The following DDR2 variants were observed in gnomAD, a reference collection of about 807,000 sequenced individuals.
DDR2 encodes the protein discoidin domain receptor tyrosine kinase 2.
Under a neutral mutation model 94.9 loss-of-function variants are expected in DDR2, and 27 were observed. That is an observed-to-expected ratio of 0.28 (90% CI 0.21 to 0.39). DDR2 has a LOEUF of 0.39. Among genes scored for constraint, DDR2 ranks in the 10% least tolerant of loss-of-function variants. The pLI is 1.00. For missense variants in DDR2, 783 were observed against 1,076.0 expected (o/e 0.73, Z 3.81); for synonymous variants, 382 against 377.2 (o/e 1.01, Z -0.15).
At chr1:162,691,468 G>T (rs1659957871) in intron 2 of DDR2, among the ~76,000 whole-genome samples, 1 of 152,162 alleles carries the variant, frequency 6.6e-6, no homozygotes, top group African/African-American at 2.4e-5. Flanking sequence ...ATTGTTCAAA[G>T]AATTTATTTA....
intron 2 of DDR2, among the ~76,000 whole-genome samples, chr1:162,714,339 G>A (rs1469902516): frequency 6.6e-6 from 1 of 151,944 alleles, no homozygotes; most frequent in African/African-American, 2.4e-5. Flanking sequence ...CATTTGTGCA[G>A]GCCTTCCTTA....
At chr1:162,676,882 G>T (rs189339526) in intron 2 of DDR2, among the ~76,000 whole-genome samples, 1 of 152,188 alleles carries the variant, frequency 6.6e-6, no homozygotes, top group Non-Finnish European at 1.5e-5. Flanking sequence ...GAACAAGCAC[G>T]CCCTGCAGAC....
chr1:162,721,453 A>G (rs1285907521), intron 3 of DDR2, among the ~76,000 whole-genome samples: 1 of 152,154 alleles, frequency 6.6e-6, no homozygotes, highest in Non-Finnish European at 1.5e-5. Flanking sequence ...ATTTCTTTCT[A>G]TTTTACCAAG....
At chr1:162,721,113 G>A (rs1374544545) in intron 3 of DDR2, among the ~76,000 whole-genome samples, 4 of 152,024 alleles carry the variant, frequency 2.6e-5, no homozygotes, top group Non-Finnish European at 4.4e-5. Context: ...CATTCTTCAT[G>A]CTCTGAGTTC....
chr1:162,773,377 A>AG (rs1449616449), intron 13 of DDR2, 92 bp from the exon 14 acceptor site: 1 of 1,563,142 alleles, frequency 6.4e-7, no homozygotes, highest in African/African-American at 1.4e-5. Context: ...CTGAGTTGTA[A>AG]GAGTTAGTTT....
chr1:162,670,458 A>G (rs1658778643), intron 2 of DDR2, among the ~76,000 whole-genome samples: 1 of 152,130 alleles, frequency 6.6e-6, no homozygotes, highest in Admixed American at 6.5e-5. Flanking sequence ...CGTTCAGGTT[A>G]CCTAGGATGA....
rs544587381 is a variant in DDR2, at chr1:162,658,410, C to T, written c.-28+3036C>T. 3.9e-5 allele frequency among the ~76,000 whole-genome samples: 6 copies of T among 152,192 alleles called. No homozygotes were observed. In the South Asian group the frequency reaches 8.3e-4, roughly 21 times the overall value. On this transcript the variant is annotated intron_variant, in intron 2 of 17. Transcript: ENST00000367921. ...AAACCTCGATGTCTGAAATTTGGGA[C>T]GATGGCTGTGCCAGGATTATTTTAG...
chr1:162,635,068 G>A (rs1286560149), intron 1 of DDR2, among the ~76,000 whole-genome samples: 1 of 152,116 alleles, frequency 6.6e-6, no homozygotes, highest in Non-Finnish European at 1.5e-5. Flanking sequence ...AGGGAAGTGG[G>A]TAAGGTGTTT....
chr1:162,752,814 A>T (rs1439084225), intron 3 of DDR2, among the ~76,000 whole-genome samples: 1 of 152,170 alleles, frequency 6.6e-6, no homozygotes, highest in African/African-American at 2.4e-5. Context: ...TACAAAGCAT[A>T]AATTGGCACA....
intron 9 of DDR2, among the ~76,000 whole-genome samples, chr1:162,764,392 TAAAAAAA>T (rs375251287): frequency 3.3e-5 from 4 of 122,600 alleles, no homozygotes; most frequent in African/African-American, 9.6e-5. Flanking sequence ...CAGAATGCTT[TAAAAAAA>T]AAAAAAAAAA....
At chr1:162,640,937 G>A (rs567376585) in intron 1 of DDR2, among the ~76,000 whole-genome samples, 3 of 152,138 alleles carry the variant, frequency 2.0e-5, no homozygotes, top group Admixed American at 6.5e-5. Context: ...GTTGTTTTTT[G>A]TAGAGATGAG....
intron 1 of DDR2, among the ~76,000 whole-genome samples, chr1:162,644,432 T>C (rs1657306551): frequency 6.6e-6 from 1 of 152,190 alleles, no homozygotes; most frequent in Non-Finnish European, 1.5e-5. Context: ...TCCATCCTTA[T>C]GATGATGAAG....
intron 7 of DDR2, 79 bp from the exon 8 acceptor site, chr1:162,759,717 C>T (rs1449123811): frequency 2.3e-5 from 35 of 1,546,366 alleles, no homozygotes; most frequent in Admixed American, 8.5e-5. Context: ...GTGAAGATGC[C>T]GGGTAAAAGC....
At chr1:162,752,868 A>G (rs1277912421) in intron 3 of DDR2, among the ~76,000 whole-genome samples, 4 of 152,142 alleles carry the variant, frequency 2.6e-5, no homozygotes, top group Admixed American at 2.6e-4. Context: ...ACCAAAATAT[A>G]GATTTGGCTG....
At position 162,759,844 on chromosome 1, in the gene DDR2, C is replaced by T. The variant is rs141801107; in HGVS notation, c.720C>T (p.Asp240=). ...TGACCGATGGTGTGTCTGGCCTGGA[C>T]GATTTCACCCAGACCCATGAATACC... ...GQLTDGVSGL[D]DFTQTHEYHV... The change falls in exon 8 of 18, where the codon GAC becomes GAT. Residue 240 remains aspartate (D), a synonymous_variant. Coordinates refer to ENST00000367921, the MANE Select transcript of DDR2 (RefSeq NM_006182.4). 610 of 1,614,116 alleles carry T rather than the reference C, an allele frequency of 3.8e-4. 1 individual carries two copies. Among genetic ancestry groups the T allele is most frequent in the Middle Eastern group, 1.2e-3 (7 of 6,058 alleles).
rs1245848176 is a variant in DDR2 at position 162,781,844 on chromosome 1, A to G, written c.*1598A>G. On this transcript the variant is annotated 3_prime_UTR_variant, in exon 18 of 18. Coordinates refer to ENST00000367921, the MANE Select transcript of DDR2 (RefSeq NM_006182.4). ...GAGAAACAAGAAAACATTACAAATC[A>G]GTTTCCCAAGCTGAGAAGGATTAGC... is the stretch of plus-strand genomic sequence containing the variant. 1 of 152,194 alleles carries G rather than the reference A, an allele frequency of 6.6e-6. No homozygotes were observed. Among genetic ancestry groups the G allele is most frequent in the Non-Finnish European group, 1.5e-5 (1 of 68,024 alleles). 9.4% of individuals were successfully genotyped at this position (152,194 alleles called of 1,614,324 possible). A position where few individuals can be genotyped will look rare whatever the true frequency, so the allele number is the denominator to read the frequency against.
chr1:162,755,785 C>A lies in DDR2; in HGVS notation c.671+16C>A. The A allele has an allele frequency of 1.2e-6, 2 of 1,607,140 alleles. No individual in the cohort carries two copies. Among genetic ancestry groups the A allele is most frequent in the Non-Finnish European group, 1.7e-6 (2 of 1,173,726 alleles). On this transcript the variant is annotated intron_variant, in intron 7 of 17. Transcript: ENST00000367921. ...TTGGATACAGGTAAATCCTGGGAAACTTTATTAGAATGGGAAATTGGCCAC... is the reference window on the plus strand; with the variant it reads ...TTGGATACAGGTAAATCCTGGGAAAATTTATTAGAATGGGAAATTGGCCAC...
At position 162,727,473 on chromosome 1, in the gene DDR2, A is replaced by T. The variant is rs1200206937; in HGVS notation, c.82+8328A>T. Among the ~76,000 whole-genome samples the T allele has an allele frequency of 2.1e-5, 3 of 146,166 alleles. No individual in the cohort carries two copies. The East Asian group carries it at 5.9e-4, about 29-fold the overall frequency. On this transcript the variant is annotated intron_variant, in intron 3 of 17. Coordinates refer to ENST00000367921, the MANE Select transcript of DDR2 (RefSeq NM_006182.4). ...ATATATCTATATGTTCACATGTTAC[A>T]TGTTATATAGATATATCTATCTATA...
chr1:162,646,155 G>A (rs1163728351), intron 1 of DDR2, among the ~76,000 whole-genome samples: 2 of 152,178 alleles, frequency 1.3e-5, no homozygotes, highest in African/African-American at 2.4e-5. Context: ...GAAAAGCCAG[G>A]CAGTGAAATT....
Sources: gnomAD v4.1 joint callset for allele counts (sites outside exome capture counted in the v4.1 genomes callset) on GRCh38, gnomAD v4.1.1 for gene constraint, MANE v1.5 for transcripts, NCBI Gene and HGNC (gene_info 2026-07-23, HGNC 2026-07-21) for gene names.